Variants in DOCK11 observed in about 807,000 individuals in gnomAD.
DOCK11 encodes the protein dedicator of cytokinesis 11.
Under a neutral mutation model 169.1 loss-of-function variants are expected in DOCK11, and 70 were observed. The ratio of observed to expected loss-of-function variants is 0.41; its 90% confidence interval spans 0.34 to 0.51. The LOEUF is 0.51. DOCK11 is among the 20% of genes least tolerant of loss of function. DOCK11 has a pLI of 0.10. For synonymous variants in DOCK11, 529 were observed against 541.3 expected, an observed-to-expected ratio of 0.98 and a Z score of 0.32; for missense variants, 1,166 against 1,538.8, an observed-to-expected ratio of 0.76 and a Z score of 4.05.
At chrX:118,611,856 C>A in intron 28 of DOCK11, among the ~76,000 whole-genome samples, 2 of 111,361 alleles carry the variant, frequency 1.8e-5, no homozygotes, top group Middle Eastern at 9.1e-3. Flanking sequence ...TTGGGTTCAA[C>A]TGATTCTCAT....
chrX:118,573,686 C>A, intron 11 of DOCK11, 120 bp from the exon 12 acceptor site: 1 of 557,179 alleles, frequency 1.8e-6, no homozygotes, highest in Non-Finnish European at 2.9e-6. Context: ...GTGTTGAACT[C>A]AGAAAGGAAT....
chrX:118,550,322 C>T (rs1036662046), intron 6 of DOCK11, among the ~76,000 whole-genome samples: 4 of 110,285 alleles, frequency 3.6e-5, no homozygotes, highest in Admixed American at 9.7e-5. Flanking sequence ...CCCTGTAGTC[C>T]CAGGTACTTG....
At chrX:118,570,547 A>C (rs1356186823) in intron 10 of DOCK11, among the ~76,000 whole-genome samples, 1 of 112,476 alleles carries the variant, frequency 8.9e-6, no homozygotes, top group Non-Finnish European at 1.9e-5. Flanking sequence ...CACAAATCTT[A>C]CACATTGGGC....
intron 44 of DOCK11, among the ~76,000 whole-genome samples, chrX:118,656,065 G>T (rs989163430): frequency 1.8e-5 from 2 of 110,276 alleles, no homozygotes; most frequent in Non-Finnish European, 3.8e-5. Flanking sequence ...ATGGGTAGGT[G>T]GATCACTTGA....
chrX:118,584,766 G>A lies in DOCK11; in HGVS notation c.1627G>A (p.Asp543Asn), dbSNP rs747356890. ...TTTCAAAGATACTCAAGGCTCTCTT[G>A]ATCTGGATGGGAGATTTTCTCCTCT... ...PIFKDTQGSL[D>N]LDGRFSPLYK... The change falls in exon 15 of 53, where the codon GAT becomes AAT. Residue 543 changes from aspartate to asparagine, a missense_variant. Asp to Asn is a conservative substitution (Grantham distance 23, BLOSUM62 1). Coordinates refer to ENST00000276202, the MANE Select transcript of DOCK11 (RefSeq NM_144658.4). The A allele has an allele frequency of 4.2e-6, 5 of 1,187,857 alleles. No individual in the cohort carries two copies. Among genetic ancestry groups the A allele is most frequent in the Non-Finnish European group, 5.7e-6 (5 of 884,317 alleles).
intron 23 of DOCK11, among the ~76,000 whole-genome samples, chrX:118,602,143 T>G (rs749061418): frequency 4.0e-5 from 4 of 99,436 alleles, no homozygotes; most frequent in African/African-American, 1.5e-4. Flanking sequence ...GGGGCCCAAG[T>G]AGAGGTGACT....
Position 118,605,326 on chromosome X carries a change from A to C in DOCK11, c.2651A>C (p.His884Pro). The C allele has an allele frequency of 5.0e-6, 6 of 1,195,783 alleles. No homozygotes were observed. Among genetic ancestry groups the C allele is most frequent in the Non-Finnish European group, 6.8e-6 (6 of 885,543 alleles). ...QLFRVLTNMT[H>P]EDDVPINCTM... ...TTCCGAGTTCTCACAAATATGACCCATGAAGATGACGTTCCTATCAACTGC... is the reference window on the plus strand; with the variant it reads ...TTCCGAGTTCTCACAAATATGACCCCTGAAGATGACGTTCCTATCAACTGC... The change falls in exon 24 of 53, where the codon CAT (histidine) becomes CCT (proline). Residue 884 changes from histidine to proline, a missense_variant. By Grantham distance (77) the His-to-Pro change is moderately conservative (BLOSUM62 -2). Coordinates refer to ENST00000276202, the MANE Select transcript of DOCK11 (RefSeq NM_144658.4).
At chrX:118,602,832 C>T (rs763429021) in intron 23 of DOCK11, among the ~76,000 whole-genome samples, 20 of 112,176 alleles carry the variant, frequency 1.8e-4, no homozygotes, top group Non-Finnish European at 2.1e-4. Context: ...TGAGCTGCCG[C>T]GCCCGGCCTA....
chrX:118,525,136 C>T (rs1397637010), intron 1 of DOCK11, among the ~76,000 whole-genome samples: 1 of 106,379 alleles, frequency 9.4e-6, no homozygotes, highest in African/African-American at 3.5e-5. Flanking sequence ...CAGAGCGAGA[C>T]TCTGTCTCAA....
chrX:118,502,128 A>C (rs999685523), intron 1 of DOCK11, among the ~76,000 whole-genome samples: 2 of 110,688 alleles, frequency 1.8e-5, no homozygotes, highest in African/African-American at 6.6e-5. Flanking sequence ...GATGATTCTC[A>C]TGTGCACAGA....
chrX:118,618,701 T>C lies in DOCK11; in HGVS notation c.3444T>C (p.His1148=), dbSNP rs2014885192. ...ISVIKNLLIK[H]AFDTRYQHKN... is the part of the protein sequence containing the mutation. ...TTATAAAGAATCTTTTGATAAAACA[T>C]GCATTTGACACAAGATACCAGCACA... Residue 1148 remains histidine (H), a synonymous_variant, in exon 31 of 53, where the codon CAT becomes CAC. Transcript: ENST00000276202. 8.3e-7 allele frequency: 1 copy of C among 1,206,050 alleles called. No homozygotes were observed. The highest frequency in any genetic ancestry group is 1.1e-6 in the Non-Finnish European group (1 of 892,804).
intron 1 of DOCK11, among the ~76,000 whole-genome samples, chrX:118,496,305 G>C (rs2057536550): frequency 0.019 from 1 of 54 alleles, no homozygotes. Flanking sequence ...GGAAGCAGAC[G>C]GGCAAAAGCC....
chrX:118,647,918 T>A (rs185400200), intron 40 of DOCK11, among the ~76,000 whole-genome samples: 21,241 of 50,011 alleles, frequency 0.42, 4,697 homozygotes, highest in African/African-American at 0.69. Flanking sequence ...ATTATAATAT[T>A]ATATATAATA....
intron 1 of DOCK11, among the ~76,000 whole-genome samples, chrX:118,500,888 C>A (rs2057571792): frequency 9.0e-6 from 1 of 111,450 alleles, no homozygotes; most frequent in African/African-American, 3.3e-5. Context: ...AGCAGTCCTC[C>A]CACCTTGGCC....
chrX:118,551,958 A>G (rs1420086148), intron 6 of DOCK11, among the ~76,000 whole-genome samples: 1 of 102,982 alleles, frequency 9.7e-6, no homozygotes, highest in African/African-American at 3.6e-5. Flanking sequence ...GGATCACCTG[A>G]GTTTAAGAGG....
chrX:118,544,230 C>T (rs752221065), intron 4 of DOCK11, among the ~76,000 whole-genome samples: 4 of 111,516 alleles, frequency 3.6e-5, no homozygotes, highest in Non-Finnish European at 5.6e-5. Context: ...TTTGATGAAC[C>T]TAGCCATCCC....
At position 118,558,105 on chromosome X, in the gene DOCK11, T is replaced by C. The variant is rs986281644; in HGVS notation, c.559-3278T>C. Among the ~76,000 whole-genome samples the C allele has an allele frequency of 5.6e-5, 6 of 108,041 alleles. No individual in the cohort carries two copies. In the Admixed American group the frequency reaches 6.0e-4, roughly 11 times the overall value. 93.8% of individuals were successfully genotyped at this position (108,041 alleles called of 115,157 possible). A position where few individuals can be genotyped will look rare whatever the true frequency, so the allele number is the denominator to read the frequency against. On this transcript the variant is annotated intron_variant, in intron 6 of 52. Transcript: ENST00000276202. ...TTCTCACCTCAGCCTCCCGAGTTGC[T>C]GGGATTACAGGGGTGCGCCACCACG...
intron 6 of DOCK11, among the ~76,000 whole-genome samples, chrX:118,549,494 A>G (rs866098142): frequency 4.5e-5 from 5 of 111,564 alleles, no homozygotes; most frequent in African/African-American, 1.6e-4. Flanking sequence ...AGGAAGGAAA[A>G]GAGGAATAAA....
At chrX:118,682,111 C>G (rs2016758718) in intron 51 of DOCK11, among the ~76,000 whole-genome samples, 2 of 110,952 alleles carry the variant, frequency 1.8e-5, no homozygotes, top group Non-Finnish European at 3.8e-5. Context: ...AATTGACCTC[C>G]TGTTACAGCA....
Sources: gnomAD v4.1 joint callset for allele counts (sites outside exome capture counted in the v4.1 genomes callset) on GRCh38, gnomAD v4.1.1 for gene constraint, MANE v1.5 for transcripts, NCBI Gene and HGNC (gene_info 2026-07-23, HGNC 2026-07-21) for gene names.